MBOAT2: variants seen among roughly 807,000 people sequenced by gnomAD.
MBOAT2 encodes membrane-bound glycerophospholipid O-acyltransferase 2.
Under a neutral mutation model 63.4 loss-of-function variants are expected in MBOAT2, and 28 were observed. The observed-to-expected ratio is 0.44, with a 90% CI of 0.33 to 0.61. The LOEUF (loss-of-function observed/expected upper bound fraction) is 0.61, where lower values mean the gene tolerates loss of function less well. Among genes scored for constraint, MBOAT2 ranks in the 20% least tolerant of loss-of-function variants. The pLI is 0.03. For missense variants in MBOAT2, 470 were observed against 605.8 expected (o/e 0.78, Z 2.35); for synonymous variants, 211 against 215.6 (o/e 0.98, Z 0.19).
chr2:8,981,154 G>A (rs547604986), intron 1 of MBOAT2, among the ~76,000 whole-genome samples: 35 of 152,254 alleles, frequency 2.3e-4, no homozygotes, highest in Middle Eastern at 6.8e-3. Context: ...GAAAGTAGAC[G>A]AGTGGCTGCT....
chr2:9,003,339 G>C lies in MBOAT2; in HGVS notation c.75+201C>G, dbSNP rs1271264605. On this transcript the variant is annotated intron_variant, in intron 1 of 12. Coordinates refer to ENST00000305997, the MANE Select transcript of MBOAT2 (RefSeq NM_138799.4). This position sits in a 1 kb window ranked among gnomAD's most constrained non-coding sequence, Gnocchi z 5.4. ...CTCCCGCTCGGCCCGGGGATGGCGGGCTGGGGGCGCACCCAGGAGGGAGGG... is the reference window on the plus strand; with the variant it reads ...CTCCCGCTCGGCCCGGGGATGGCGGCCTGGGGGCGCACCCAGGAGGGAGGG... Among the ~76,000 whole-genome samples, 1 of 152,046 alleles carries C rather than the reference G, an allele frequency of 6.6e-6. No individual in the cohort carries two copies. Among genetic ancestry groups the C allele is most frequent in the East Asian group, 1.9e-4 (1 of 5,146 alleles).
At chr2:8,937,960 T>C (rs1667781322) in intron 3 of MBOAT2, among the ~76,000 whole-genome samples, 1 of 152,098 alleles carries the variant, frequency 6.6e-6, no homozygotes. Context: ...GCTATGAGCA[T>C]GCGACTGCCA....
At chr2:8,887,068 A>G (rs1457095954) in intron 5 of MBOAT2, among the ~76,000 whole-genome samples, 1 of 152,202 alleles carries the variant, frequency 6.6e-6, no homozygotes, top group Non-Finnish European at 1.5e-5. Context: ...AGCAGTAAGA[A>G]GCTGAACTGG....
chr2:8,964,800 T>C (rs1344161785), intron 1 of MBOAT2, among the ~76,000 whole-genome samples: 1 of 152,226 alleles, frequency 6.6e-6, no homozygotes, highest in African/African-American at 2.4e-5. Context: ...TAAAACATTA[T>C]TTCTCTATTT....
At chr2:8,866,822 T>A (rs1661928987) in intron 9 of MBOAT2, among the ~76,000 whole-genome samples, 1 of 152,182 alleles carries the variant, frequency 6.6e-6, no homozygotes, top group Non-Finnish European at 1.5e-5. Context: ...CCACATCCCC[T>A]CTAAATTTGT....
intron 1 of MBOAT2, among the ~76,000 whole-genome samples, chr2:8,992,378 C>T (rs1008876257): frequency 6.6e-6 from 1 of 152,202 alleles, no homozygotes; most frequent in Non-Finnish European, 1.5e-5. Flanking sequence ...CTCAAGGGAT[C>T]CTCCTGCCTT....
intron 1 of MBOAT2, among the ~76,000 whole-genome samples, chr2:8,967,726 T>C (rs1368185653): frequency 6.6e-6 from 1 of 152,054 alleles, no homozygotes; most frequent in African/African-American, 2.4e-5. Flanking sequence ...AGAATTCCAG[T>C]GATAGATCCA....
At chr2:8,863,132 C>T (rs1251616053) in intron 10 of MBOAT2, among the ~76,000 whole-genome samples, 2 of 152,146 alleles carry the variant, frequency 1.3e-5, no homozygotes, top group Admixed American at 6.5e-5. Flanking sequence ...GTCTACAATT[C>T]TTCTATGACA....
chr2:8,938,603 G>A (rs1371099636), intron 3 of MBOAT2, among the ~76,000 whole-genome samples: 1 of 151,108 alleles, frequency 6.6e-6, no homozygotes, highest in African/African-American at 2.4e-5. Flanking sequence ...TCATGCCACC[G>A]TGTTTCATGC....
At chr2:8,940,378 G>A (rs920777594) in intron 3 of MBOAT2, among the ~76,000 whole-genome samples, 69 of 151,880 alleles carry the variant, frequency 4.5e-4, no homozygotes, top group African/African-American at 1.6e-3. Flanking sequence ...TGCAACCTCC[G>A]CCTCCCCGGT....
chr2:9,002,095 CGGGAGGATGAA>C (rs1672730586), intron 1 of MBOAT2, among the ~76,000 whole-genome samples: 1 of 149,930 alleles, frequency 6.7e-6, no homozygotes, highest in African/African-American at 2.5e-5. Flanking sequence ...TCCGCGGGGC[CGGGAGGATGAA>C]AAACCCTAAA....
intron 4 of MBOAT2, chr2:8,908,049 T>C (rs1665457099): frequency 6.6e-6 from 1 of 152,206 alleles, no homozygotes; most frequent in African/African-American, 2.4e-5. Flanking sequence ...AAAAAATATA[T>C]ATGTATATAA....
chr2:8,893,910 C>G (rs761886967), intron 4 of MBOAT2, among the ~76,000 whole-genome samples: 1 of 152,020 alleles, frequency 6.6e-6, no homozygotes, highest in Non-Finnish European at 1.5e-5. Flanking sequence ...ATCAAGGAGG[C>G]CCTGCAGGCC....
At chr2:8,896,012 C>T (rs956145095) in intron 4 of MBOAT2, among the ~76,000 whole-genome samples, 8 of 151,904 alleles carry the variant, frequency 5.3e-5, no homozygotes, top group East Asian at 3.9e-4. Flanking sequence ...CCGAGGCGGG[C>T]GGATCACGAG....
At position 8,858,048 on chromosome 2, in the gene MBOAT2, A is replaced by G. The variant is rs1661222015; in HGVS notation, c.*631T>C. 1 of 152,690 alleles carries G rather than the reference A, an allele frequency of 6.5e-6. No homozygotes were observed. Among genetic ancestry groups the G allele is most frequent in the Admixed American group, 6.5e-5 (1 of 15,282 alleles). The allele number at this position is 152,690 out of a possible 1,614,324, so 9.5% of individuals were successfully genotyped here. A position where few individuals can be genotyped will look rare whatever the true frequency, so the allele number is the denominator to read the frequency against. ...AACTCTCCAGCAAAATCAGCTACCT[A>G]TAATTTGGCGTCCATTACTGTTTAC... On this transcript the variant is annotated 3_prime_UTR_variant, in exon 13 of 13. Coordinates refer to ENST00000305997, the MANE Select transcript of MBOAT2 (RefSeq NM_138799.4).
At chr2:8,972,399 G>A (rs1002032629) in intron 1 of MBOAT2, among the ~76,000 whole-genome samples, 48 of 151,186 alleles carry the variant, frequency 3.2e-4, no homozygotes, top group African/African-American at 8.5e-4. Flanking sequence ...ATGTTAGACC[G>A]AAAACCATAA....
At chr2:8,969,644 A>G (rs780526114) in intron 1 of MBOAT2, among the ~76,000 whole-genome samples, 174 of 152,340 alleles carry the variant, frequency 1.1e-3, no homozygotes, top group Non-Finnish European at 2.1e-3. Flanking sequence ...GCAGAGACAC[A>G]CGTAGGCTCA....
Position 8,891,124 on chromosome 2 carries a change from T to A in MBOAT2, c.396-3051A>T, listed in dbSNP as rs73149379. ...ATCATATTTTGGTTTCATTTCCTGATGGTCATTAGCTCAACACATTCCCTT... is the reference window on the plus strand; with the variant it reads ...ATCATATTTTGGTTTCATTTCCTGAAGGTCATTAGCTCAACACATTCCCTT... On this transcript the variant is annotated intron_variant, in intron 4 of 12. Coordinates refer to ENST00000305997, the MANE Select transcript of MBOAT2 (RefSeq NM_138799.4). Among the ~76,000 whole-genome samples, 878 of 152,374 alleles carry A rather than the reference T, an allele frequency of 5.8e-3. 5 individuals carry two copies. Among genetic ancestry groups the A allele is most frequent in the African/African-American group, 0.021 (855 of 41,590 alleles).
At chr2:8,952,644 A>G (rs1192281392) in intron 2 of MBOAT2, among the ~76,000 whole-genome samples, 1 of 152,150 alleles carries the variant, frequency 6.6e-6, no homozygotes, top group African/African-American at 2.4e-5. Flanking sequence ...TCTTGAGTTG[A>G]ACCCTTGAGA....
Sources: allele counts gnomAD v4.1 joint callset (sites outside exome capture counted in the v4.1 genomes callset), GRCh38; gene constraint gnomAD v4.1.1; non-coding constraint Gnocchi (gnomAD v3.1); transcripts MANE v1.5; gene names NCBI Gene and HGNC (gene_info 2026-07-23, HGNC 2026-07-21).